Variants in POLR1A observed in about 807,000 individuals in gnomAD.
The protein encoded by POLR1A is DNA-directed RNA polymerase I subunit RPA1.
POLR1A carries 84 observed loss-of-function variants against 205.3 expected under a neutral mutation model. That is an observed-to-expected ratio of 0.41 (90% CI 0.34 to 0.49). The LOEUF (loss-of-function observed/expected upper bound fraction) is 0.49, where lower values mean the gene tolerates loss of function less well. POLR1A is among the 20% of genes least tolerant of loss of function. The pLI is 0.22. For missense variants in POLR1A, 1,645 were observed against 2,204.5 expected, an observed-to-expected ratio of 0.75 and a Z score of 5.08; for synonymous variants, 799 against 863.7, an observed-to-expected ratio of 0.93 and a Z score of 1.31.
At chr2:86,043,624 C>T (rs750716005) in intron 22 of POLR1A, among the ~76,000 whole-genome samples, 1 of 151,908 alleles carries the variant, frequency 6.6e-6, no homozygotes, top group Admixed American at 6.6e-5. Flanking sequence ...TTTCAGTTTC[C>T]CTATCTGCAA....
At chr2:86,075,697 A>G (rs62147714) in intron 11 of POLR1A, among the ~76,000 whole-genome samples, 92 of 152,240 alleles carry the variant, frequency 6.0e-4, no homozygotes, top group Non-Finnish European at 1.0e-3. Context: ...TAGTAGAGAC[A>G]GGGTTTCTCC....
In POLR1A at chr2:86,054,215, G is replaced by T; in HGVS notation, c.2133C>A (p.Ile711=). Residue 711 remains isoleucine (I), a synonymous_variant, in exon 15 of 34, where the codon ATC becomes ATA. Transcript: ENST00000263857. ...TTTCCTTCACCCAGGCTTTCCCAGT[G>T]ATTTTCGCCTTTCCAGATAAGTTCA... ...IPLNLSGKAK[I]TGKAWVKETP... 2.5e-6 allele frequency: 4 copies of T among 1,613,972 alleles called. No homozygotes were observed. The highest frequency in any genetic ancestry group is 3.4e-6 in the Non-Finnish European group (4 of 1,179,842).
At chr2:86,071,254 G>A (rs12714166) in intron 12 of POLR1A, among the ~76,000 whole-genome samples, 57,332 of 145,786 alleles carry the variant, frequency 0.39, 13,660 homozygotes, top group Non-Finnish European at 0.55. Flanking sequence ...GTGTGTGTGT[G>A]TGTGTGTCTA....
chr2:86,022,463 T>C lies in POLR1A; in HGVS notation c.*4960A>G, dbSNP rs1317812751. The C allele has an allele frequency of 1.3e-5, 2 of 152,234 alleles. No homozygotes were observed. The highest frequency in any genetic ancestry group is 4.8e-5 in the African/African-American group (2 of 41,446). 9.4% of individuals were successfully genotyped at this position (152,234 alleles called of 1,614,324 possible). A position where few individuals can be genotyped will look rare whatever the true frequency, so the allele number is the denominator to read the frequency against. ...GATAGGTGGTGACGGTGGCTGTGCA[T>C]TTCCACAATTTAGGGCTTTTTCTGT... is the stretch of plus-strand genomic sequence containing the variant. On this transcript the variant is annotated 3_prime_UTR_variant, in exon 34 of 34. Coordinates refer to ENST00000263857, the MANE Select transcript of POLR1A (RefSeq NM_015425.6).
chr2:86,083,482 G>A (rs538793521), intron 6 of POLR1A, among the ~76,000 whole-genome samples: 15 of 151,170 alleles, frequency 9.9e-5, no homozygotes, highest in East Asian at 3.9e-4. Flanking sequence ...GTCTATACAC[G>A]TATTTTACAC....
chr2:86,061,047 G>A (rs1422975584), intron 14 of POLR1A, among the ~76,000 whole-genome samples: 2 of 152,106 alleles, frequency 1.3e-5, no homozygotes, highest in African/African-American at 4.8e-5. Context: ...CATATGAAGA[G>A]GTGCTCAACC....
intron 31 of POLR1A, among the ~76,000 whole-genome samples, 170 bp downstream of exon 31, chr2:86,030,026 G>A (rs531567728): frequency 1.0e-3 from 155 of 152,346 alleles, no homozygotes; most frequent in African/African-American, 3.5e-3. Flanking sequence ...ATCCCCGGGA[G>A]GCAGACGAGG....
In POLR1A at chr2:86,042,168, G is replaced by A. The variant is rs1311495279; in HGVS notation, c.3358-65C>T. ...CCCAGTAGCATAAGAGGGATCAAAAGCATTGGCTTCCAATGAGAATAAAGG... is the reference window on the plus strand; with the variant it reads ...CCCAGTAGCATAAGAGGGATCAAAAACATTGGCTTCCAATGAGAATAAAGG... On this transcript the variant is annotated intron_variant, in intron 23 of 33. Transcript: ENST00000263857. 5 of 1,130,578 alleles carry A rather than the reference G, an allele frequency of 4.4e-6. No individual in the cohort carries two copies. In the Admixed American group the frequency reaches 8.6e-5, roughly 19 times the overall value. The allele number at this position is 1,130,578 out of a possible 1,614,324, so 70.0% of individuals were successfully genotyped here.
intron 30 of POLR1A, 111 bp downstream of exon 30, chr2:86,031,219 G>C (rs1558761394): frequency 7.0e-7 from 1 of 1,423,426 alleles, no homozygotes; most frequent in Non-Finnish European, 9.2e-7. Flanking sequence ...CATGGGGAAT[G>C]TTGGCTGCCC....
chr2:86,051,223 G>A (rs6724835), intron 16 of POLR1A, among the ~76,000 whole-genome samples: 1 of 150,388 alleles, frequency 6.6e-6, no homozygotes, highest in African/African-American at 2.4e-5. Context: ...GTGGGTAAGG[G>A]AAGTAGAGTA....
chr2:86,104,436 T>C (rs1315643296), intron 1 of POLR1A, among the ~76,000 whole-genome samples: 1 of 143,762 alleles, frequency 7.0e-6, no homozygotes, highest in Non-Finnish European at 1.5e-5. Flanking sequence ...TGAAGAGGGA[T>C]GCCGTGTTGA....
intron 14 of POLR1A, among the ~76,000 whole-genome samples, chr2:86,062,046 G>C (rs1053735562): frequency 1.3e-5 from 2 of 152,144 alleles, no homozygotes; most frequent in Non-Finnish European, 2.9e-5. Context: ...AATCAATCAA[G>C]AGGCTGTATG....
rs896276421 is a variant in POLR1A, at chr2:86,026,840, G to A, written c.*583C>T. ...TTGGGTGGGTGGAGGACTATGCTAC[G>A]CTGTACTTGACTCAGGGAAGAAGTC... On this transcript the variant is annotated 3_prime_UTR_variant, in exon 34 of 34. Transcript: ENST00000263857. 5.3e-4 allele frequency: 85 copies of A among 161,456 alleles called. 1 individual carries two copies. The highest frequency in any genetic ancestry group is 2.1e-4 in the Non-Finnish European group (15 of 72,664). 10.0% of individuals were successfully genotyped at this position (161,456 alleles called of 1,614,324 possible). A position where few individuals can be genotyped will look rare whatever the true frequency, so the allele number is the denominator to read the frequency against.
At chr2:86,093,633 G>C (rs1673649267) in intron 3 of POLR1A, among the ~76,000 whole-genome samples, 1 of 152,138 alleles carries the variant, frequency 6.6e-6, no homozygotes, top group South Asian at 2.1e-4. Flanking sequence ...TTCAAGGCCA[G>C]CCCGGCCAAA....
At chr2:86,049,941 T>G (rs137936919) in intron 16 of POLR1A, among the ~76,000 whole-genome samples, 1,874 of 152,066 alleles carry the variant, frequency 0.012, 49 homozygotes, top group African/African-American at 0.043. Context: ...TTTTTGAGAC[T>G]GAGTCTTGCT....
intron 24 of POLR1A, among the ~76,000 whole-genome samples, chr2:86,041,282 C>CTGTG (rs202216011): frequency 2.3e-5 from 3 of 129,354 alleles, no homozygotes; most frequent in African/African-American, 6.0e-5. Flanking sequence ...TCTACAGTGT[C>CTGTG]TGTGTGTGTG....
At chr2:86,036,513 G>T (rs1194411313) in intron 27 of POLR1A, among the ~76,000 whole-genome samples, 1 of 152,182 alleles carries the variant, frequency 6.6e-6, no homozygotes, top group African/African-American at 2.4e-5. Context: ...GTGGCAGAGA[G>T]GAAGGAAGGG....
At chr2:86,099,565 A>G (rs1394741542) in intron 2 of POLR1A, among the ~76,000 whole-genome samples, 7 of 151,984 alleles carry the variant, frequency 4.6e-5, no homozygotes, top group South Asian at 2.1e-4. Context: ...TTCTCCTGCC[A>G]CCACACAAGT....
At chr2:86,065,035 A>T (rs1673062495) in intron 14 of POLR1A, among the ~76,000 whole-genome samples, 1 of 152,082 alleles carries the variant, frequency 6.6e-6, no homozygotes, top group African/African-American at 2.4e-5. Flanking sequence ...TCAGTCTCCT[A>T]AAGTGTTGGG....
Sources: gnomAD v4.1 joint callset for allele counts (sites outside exome capture counted in the v4.1 genomes callset) on GRCh38, gnomAD v4.1.1 for gene constraint, MANE v1.5 for transcripts, NCBI Gene and HGNC (gene_info 2026-07-23, HGNC 2026-07-21) for gene names.